The following OTOG variants were observed in gnomAD, a reference collection of about 807,000 sequenced individuals.
OTOG encodes otogelin.
In OTOG, 296 loss-of-function variants were observed where a neutral mutation model predicts 313.8. The observed-to-expected ratio is 0.94, with a 90% CI of 0.86 to 1.04. OTOG has a LOEUF of 1.04. OTOG is among the 50% of genes least tolerant of loss of function. The probability of loss-of-function intolerance (pLI) is 0.00; values close to 1 mark genes in which losing one functional copy is unlikely to be tolerated. For synonymous variants in OTOG, 1,533 were observed against 1,554.9 expected (o/e 0.99, Z 0.33); for missense variants, 3,948 against 3,840.1 (o/e 1.03, Z -0.74).
At chr11:17,643,342 G>A (rs1848011421) in intron 53 of OTOG, 119 bp from the exon 54 acceptor site, 2 of 634,962 alleles carry the variant, frequency 3.1e-6, no homozygotes, top group Middle Eastern at 2.7e-4. Context: ...TCCTGCCCTG[G>A]GGCATCACGG....
In OTOG at chr11:17,593,672, A is replaced by T. The variant is rs1565108038; in HGVS notation, c.3204A>T (p.Thr1068=). ...ACACATGGCGAGTGGGATTTTTCAC[A>T]CTGGTGCATTTCCCACAGGAGCACA... ...EVHTWRVGFF[T]LVHFPQEHIT... is the part of the protein sequence containing the mutation. The change falls in exon 27 of 56, where the codon ACA becomes ACT. Residue 1068 remains threonine, a synonymous_variant. Transcript: ENST00000399397. 16 of 1,549,044 alleles carry T rather than the reference A, an allele frequency of 1.0e-5. No homozygotes were observed. Among genetic ancestry groups the T allele is most frequent in the Non-Finnish European group, 1.4e-5 (16 of 1,146,956 alleles).
In OTOG at chr11:17,631,833, C is replaced by T. The variant is rs1049733000; in HGVS notation, c.6844C>T (p.Arg2282Cys). 1.8e-5 allele frequency: 28 copies of T among 1,550,498 alleles called. No individual in the cohort carries two copies. In the East Asian group the frequency reaches 2.0e-4, roughly 11 times the overall value. Reference sequence around the variant, plus strand: ...CTCCCTGACCTCAGTGGGCCAGACCCGCTTCCGCCCAGACAGCTGCGCCAC... The same window carrying T: ...CTCCCTGACCTCAGTGGGCCAGACCTGCTTCCGCCCAGACAGCTGCGCCAC... ...PSSLTSVGQTRFRPDSCATTD... is the reference protein window; with the variant it reads ...PSSLTSVGQTCFRPDSCATTD... Residue 2282 changes from arginine to cysteine, a missense_variant, in exon 41 of 56, where the codon CGC (arginine) becomes TGC (cysteine). Transcript: ENST00000399397.
intron 39 of OTOG, among the ~76,000 whole-genome samples, chr11:17,619,057 G>A (rs947138077): frequency 1.3e-5 from 2 of 152,146 alleles, no homozygotes; most frequent in Non-Finnish European, 2.9e-5. Flanking sequence ...GAGCCCAGGA[G>A]TTCGAGACCA....
chr11:17,607,392 GC>G (rs1156769891), intron 33 of OTOG, among the ~76,000 whole-genome samples: 1 of 152,168 alleles, frequency 6.6e-6, no homozygotes, highest in Admixed American at 6.5e-5. Context: ...CTGCCTCCAA[GC>G]CCCCCATAGG....
chr11:17,613,761 A>C, intron 39 of OTOG, 60 bp downstream of exon 39: 1 of 1,406,684 alleles, frequency 7.1e-7, no homozygotes, highest in Non-Finnish European at 9.8e-7. Flanking sequence ...GGGACAGGGC[A>C]TCCAGGGGTG....
chr11:17,640,722 C>T lies in OTOG; in HGVS notation c.7936-23C>T, dbSNP rs1231959079. On this transcript the variant is annotated intron_variant, in intron 49 of 55. Coordinates refer to ENST00000399397, the MANE Select transcript of OTOG (RefSeq NM_001292063.2). ...CCAGGCTGGCCCCCAACCCAGGGTG[C>T]TGACTGCCTCTGCCCCACCCAGTGG... 10 of 1,547,910 alleles carry T rather than the reference C, an allele frequency of 6.5e-6. No homozygotes were observed. In the East Asian group the frequency reaches 2.0e-4, roughly 30 times the overall value.
At chr11:17,571,745 T>C (rs1173095007) in intron 17 of OTOG, among the ~76,000 whole-genome samples, 3 of 152,000 alleles carry the variant, frequency 2.0e-5, no homozygotes, top group African/African-American at 7.2e-5. Context: ...ACCTGTTAAA[T>C]GTTGTGTGTC....
intron 39 of OTOG, among the ~76,000 whole-genome samples, chr11:17,626,635 TG>T (rs907547929): frequency 9.2e-5 from 14 of 152,206 alleles, no homozygotes; most frequent in African/African-American, 2.7e-4. Flanking sequence ...ATTTTAGGGT[TG>T]TTTTTTCTAT....
At position 17,578,485 on chromosome 11, in the gene OTOG, AG is replaced by A; in HGVS notation, c.2719del (p.Ala907ProfsTer43). 1 of 1,540,570 alleles carries A rather than the reference AG, an allele frequency of 6.5e-7. No individual in the cohort carries two copies. ...AGCAACTGCTGAACCTGAGCGTGTC[AG>A]CCCGTGGCCCCTGCCTCTCGGGCTG... ...EQQLLNLSVS[A>X]RGPCLSGCAC... On this transcript the variant is annotated frameshift_variant, in exon 23 of 56. Transcript: ENST00000399397. LOFTEE classifies it high-confidence loss of function.
At chr11:17,557,769 C>T (rs954218805) in intron 8 of OTOG, among the ~76,000 whole-genome samples, 1 of 152,122 alleles carries the variant, frequency 6.6e-6, no homozygotes, top group Non-Finnish European at 1.5e-5. Context: ...CCCTTTTGAG[C>T]ACCTACACCA....
Position 17,609,735 on chromosome 11 carries a change from A to T in OTOG, c.4435A>T (p.Ser1479Cys), listed in dbSNP as rs1853477057. The T allele has an allele frequency of 6.5e-7, 1 of 1,546,852 alleles. No individual in the cohort carries two copies. Among genetic ancestry groups the T allele is most frequent in the African/African-American group, 1.4e-5 (1 of 72,842 alleles). ...LPPSQGLPTP[S>C]DEEPQLSQES... is the part of the protein sequence containing the mutation. The stretch of plus-strand genomic sequence containing the variant: ...TCCCAGTCAAGGGTTGCCCACTCCC[A>T]GTGATGAGGAGCCACAGCTGTCACA... The change falls in exon 36 of 56, where the codon AGT (serine) becomes TGT (cysteine). Residue 1479 changes from serine to cysteine, a missense_variant. By Grantham distance (112) the Ser-to-Cys change is moderately radical. Coordinates refer to ENST00000399397, the MANE Select transcript of OTOG (RefSeq NM_001292063.2).
intron 15 of OTOG, among the ~76,000 whole-genome samples, 180 bp downstream of exon 15, chr11:17,561,987 C>T (rs1179425667): frequency 4.0e-5 from 6 of 150,346 alleles, no homozygotes; most frequent in African/African-American, 1.5e-4. Flanking sequence ...GACTGAGTCA[C>T]TTCCCTTTTC....
Position 17,629,179 on chromosome 11 carries a change from G to A in OTOG, c.6575G>A (p.Gly2192Glu). ...QPVWPPVSRY[G>E]FRIEDTGHMY... Reference sequence around the variant, plus strand: ...GTGTGGCCACCGGTGAGCAGGTATGGATTCAGAATTGAGGACACAGGCCAC... The same window carrying A: ...GTGTGGCCACCGGTGAGCAGGTATGAATTCAGAATTGAGGACACAGGCCAC... Residue 2192 changes from glycine to glutamate, a missense_variant, in exon 40 of 56, where the codon GGA (glycine) becomes GAA (glutamate). Coordinates refer to ENST00000399397, the MANE Select transcript of OTOG (RefSeq NM_001292063.2). The A allele has an allele frequency of 6.4e-7, 1 of 1,550,582 alleles. No individual in the cohort carries two copies. Among genetic ancestry groups the A allele is most frequent in the Non-Finnish European group, 8.7e-7 (1 of 1,146,988 alleles).
At chr11:17,611,467 C>T in intron 36 of OTOG, 44 bp downstream of exon 36, 3 of 1,437,826 alleles carry the variant, frequency 2.1e-6, no homozygotes, top group South Asian at 2.8e-5. Flanking sequence ...TGTGACCCTT[C>T]CCTTCATCCC....
At chr11:17,639,292 T>C (rs530938803) in intron 48 of OTOG, 131 bp from the exon 49 acceptor site, 1 of 931,868 alleles carries the variant, frequency 1.1e-6, no homozygotes, top group African/African-American at 1.6e-5. Flanking sequence ...CTTCCTCTCC[T>C]CTCCCAGGCC....
At chr11:17,602,098 TC>T (rs2134074817) in intron 31 of OTOG, 111 bp from the exon 32 acceptor site, 4 of 1,184,596 alleles carry the variant, frequency 3.4e-6, no homozygotes, top group South Asian at 3.0e-5. Flanking sequence ...CATCAAGAGT[TC>T]CTCCTTGGTA....
chr11:17,635,905 G>T (rs937844150), intron 47 of OTOG, among the ~76,000 whole-genome samples, 194 bp downstream of exon 47: 1 of 152,202 alleles, frequency 6.6e-6, no homozygotes, highest in African/African-American at 2.4e-5. Context: ...CAGGCTGGAG[G>T]GTGGGAGGTC....
Position 17,557,177 on chromosome 11 carries a change from T to C in OTOG, c.719T>C (p.Ile240Thr). 2 of 1,550,648 alleles carry C rather than the reference T, an allele frequency of 1.3e-6. No homozygotes were observed. Among genetic ancestry groups the C allele is most frequent in the Non-Finnish European group, 1.7e-6 (2 of 1,147,018 alleles). ...CTGCAGCAGCTTGCCGGCTATGTCA[T>C]CGTGCGGCATCAGTCAGCCTTCACA... ...ARLQQLAGYV[I>T]VRHQSAFTLA... Residue 240 changes from isoleucine (I) to threonine (T), a missense_variant, in exon 8 of 56, where the codon ATC becomes ACC. Physicochemically the swap from Ile to Thr is moderately conservative, Grantham distance 89. Coordinates refer to ENST00000399397, the MANE Select transcript of OTOG (RefSeq NM_001292063.2).
chr11:17,553,040 G>A, intron 4 of OTOG, 79 bp from the exon 5 acceptor site: 1 of 1,340,574 alleles, frequency 7.5e-7, no homozygotes, highest in African/African-American at 1.4e-5. Context: ...TCTGGATCCT[G>A]TGAAGCCTGA....
Sources: gnomAD v4.1 joint callset for allele counts (sites outside exome capture counted in the v4.1 genomes callset) on GRCh38, gnomAD v4.1.1 for gene constraint, MANE v1.5 for transcripts, NCBI Gene and HGNC (gene_info 2026-07-23, HGNC 2026-07-21) for gene names.